COL6A1: variants seen among roughly 807,000 people sequenced by gnomAD.
COL6A1 encodes collagen alpha-1(VI) chain.
Under a neutral mutation model 145.6 loss-of-function variants are expected in COL6A1, and 80 were observed. That is an observed-to-expected ratio of 0.55 (90% CI 0.46 to 0.66). The LOEUF (loss-of-function observed/expected upper bound fraction) is 0.66, where lower values mean the gene tolerates loss of function less well. Among genes scored for constraint, COL6A1 ranks in the 30% least tolerant of loss-of-function variants. COL6A1 has a pLI of 0.00. For missense variants in COL6A1, 1,364 were observed against 1,473.8 expected, an observed-to-expected ratio of 0.93 and a Z score of 1.22; for synonymous variants, 638 against 622.8, an observed-to-expected ratio of 1.02 and a Z score of -0.36.
chr21:45,992,273 C>A, intron 17 of COL6A1, 56 bp downstream of exon 17: 2 of 1,613,486 alleles, frequency 1.2e-6, no homozygotes, highest in Non-Finnish European at 1.7e-6. Context: ...AGCTTCTGAT[C>A]CTCTTTGCTC....
At chr21:45,986,240 G>T (rs529016757) in intron 3 of COL6A1, among the ~76,000 whole-genome samples, 1 of 152,352 alleles carries the variant, frequency 6.6e-6, no homozygotes, top group African/African-American at 2.4e-5. Context: ...TCACTGGTCA[G>T]GGGCTTTGCG....
At chr21:46,000,635 G>C in intron 28 of COL6A1, 124 bp from the exon 29 acceptor site, 2 of 1,386,180 alleles carry the variant, frequency 1.4e-6, no homozygotes, top group East Asian at 2.3e-5. Context: ...GGCCGGGGAA[G>C]GGGGGAGGCC....
At position 45,981,904 on chromosome 21, in the gene COL6A1, C is replaced by T; in HGVS notation, c.54C>T (p.Ala18=). Reference sequence around the variant, plus strand: ...TGCTGCTGCAGGCCTGCTGGACAGCCGCGCAGGATGAGCCGGAGACCCCGA... The same window carrying T: ...TGCTGCTGCAGGCCTGCTGGACAGCTGCGCAGGATGAGCCGGAGACCCCGA... The part of the protein sequence containing the change: ...LPLLLQACWT[A]AQDEPETPRA... Residue 18 remains alanine, a synonymous_variant, in exon 1 of 35, where the codon GCC becomes GCT. Transcript: ENST00000361866. 3 of 1,606,768 alleles carry T rather than the reference C, an allele frequency of 1.9e-6. No homozygotes were observed. The highest frequency in any genetic ancestry group is 2.2e-5 in the East Asian group (1 of 44,538).
chr21:46,003,119 G>A lies in COL6A1; in HGVS notation c.2435-1G>A. ...CACTGCACGGCTTTTCTCTTTTACAGACAAGAAGTGTCCAGATTACACCTG... is the reference window on the plus strand; with the variant it reads ...CACTGCACGGCTTTTCTCTTTTACAAACAAGAAGTGTCCAGATTACACCTG... On this transcript the variant is annotated splice_acceptor_variant, in intron 33 of 34. Transcript: ENST00000361866. LOFTEE classifies it high-confidence loss of function. 1 of 1,614,112 alleles carries A rather than the reference G, an allele frequency of 6.2e-7. No homozygotes were observed. Among genetic ancestry groups the A allele is most frequent in the Non-Finnish European group, 8.5e-7 (1 of 1,179,976 alleles).
rs768737132 is a variant in COL6A1 at position 45,984,501 on chromosome 21, G to C, written c.428+32G>C. ...GGCCCCCAGCCTCCTGCCCACGCCA[G>C]TTCTCACGCGTGGTACCCAGCCTGG... is the stretch of plus-strand genomic sequence containing the variant. On this transcript the variant is annotated intron_variant, in intron 3 of 34. Transcript: ENST00000361866. 10 of 1,597,220 alleles carry C rather than the reference G, an allele frequency of 6.3e-6. No homozygotes were observed. The African/African-American group carries it at 8.0e-5, about 13-fold the overall frequency.
chr21:45,987,491 C>A lies in COL6A1; in HGVS notation c.739-8C>A, dbSNP rs1336036721. ...CCACTGACTCGTCTCCATGCTTTCCCCCCACAGTGCTGCTCCTTCGAATGC... is the reference window on the plus strand; with the variant it reads ...CCACTGACTCGTCTCCATGCTTTCCACCCACAGTGCTGCTCCTTCGAATGC... On this transcript the variant is annotated splice_region_variant and splice_polypyrimidine_tract_variant and intron_variant, in intron 6 of 34. Transcript: ENST00000361866. 6.2e-7 allele frequency: 1 copy of A among 1,613,120 alleles called. No homozygotes were observed. Among genetic ancestry groups the A allele is most frequent in the Non-Finnish European group, 8.5e-7 (1 of 1,180,006 alleles).
intron 20 of COL6A1, among the ~76,000 whole-genome samples, chr21:45,995,840 C>A (rs1190626255): frequency 2.6e-5 from 4 of 152,248 alleles, no homozygotes; most frequent in African/African-American, 9.6e-5. Context: ...CACCTGGAGC[C>A]TCCCTGGGGC....
chr21:46,002,008 C>T lies in COL6A1; in HGVS notation c.2004C>T (p.Ser668=). 1 of 1,612,716 alleles carries T rather than the reference C, an allele frequency of 6.2e-7. No homozygotes were observed. Among genetic ancestry groups the T allele is most frequent in the Non-Finnish European group, 8.5e-7 (1 of 1,179,878 alleles). The change falls in exon 31 of 35, where the codon AGC becomes AGT. Residue 668 remains serine, a synonymous_variant. Coordinates refer to ENST00000361866, the MANE Select transcript of COL6A1 (RefSeq NM_001848.3). ...SYAGVVQYSH[S]QMQEHVSLRS... is the part of the protein sequence containing the mutation. ...CGGGTGTGGTGCAGTACAGCCACAG[C>T]CAGATGCAGGAGCACGTGAGCCTGC...
At chr21:46,001,822 C>T (rs1402272805) in intron 30 of COL6A1, 139 bp from the exon 31 acceptor site, 23 of 727,120 alleles carry the variant, frequency 3.2e-5, no homozygotes, top group Non-Finnish European at 5.0e-5. Context: ...CACCCAGAGC[C>T]AATCGCAGGG....
intron 11 of COL6A1, among the ~76,000 whole-genome samples, 199 bp from the exon 12 acceptor site, chr21:45,990,037 TCCCCCGGGCGGTTACCCTCTGC>T (rs2077765409): frequency 2.9e-5 from 4 of 139,904 alleles, no homozygotes; most frequent in South Asian, 4.4e-4. Flanking sequence ...GAGCCGGGGG[TCCCCCGGGCGGTTACCCTCTGC>T]GGAGCCGGGG....
chr21:45,996,711 C>T (rs2123480774), intron 20 of COL6A1, among the ~76,000 whole-genome samples: 1 of 152,288 alleles, frequency 6.6e-6, no homozygotes. Context: ...CTGGGAAGTG[C>T]TTGGGGTGCC....
At position 46,004,317 on chromosome 21, in the gene COL6A1, GC is replaced by G. The variant is rs1434568734; in HGVS notation, c.*305del. On this transcript the variant is annotated 3_prime_UTR_variant, in exon 35 of 35. Coordinates refer to ENST00000361866, the MANE Select transcript of COL6A1 (RefSeq NM_001848.3). ...CGTCACCTGTGCAGGGCCCTCTGGG[GC>G]TCAGCCCTGAGCTGGCCTCACCTGG... 2.1e-6 allele frequency: 1 copy of G among 480,534 alleles called. No individual in the cohort carries two copies. The highest frequency in any genetic ancestry group is 2.0e-5 in the African/African-American group (1 of 51,182). 29.8% of individuals were successfully genotyped at this position (480,534 alleles called of 1,614,324 possible).
In COL6A1 at chr21:45,996,411, G is replaced by A. The variant is rs114469764; in HGVS notation, c.1399-1010G>A. Among the ~76,000 whole-genome samples the A allele has an allele frequency of 6.9e-3, 1,056 of 152,342 alleles. 11 individuals carry two copies. The highest frequency in any genetic ancestry group is 0.025 in the African/African-American group (1,021 of 41,582). ...GCCAGGCCTGGGTGCTTGCACAGTC[G>A]GGGTAGAGAGAGCAATACACTAGAT... On this transcript the variant is annotated intron_variant, in intron 20 of 34. Coordinates refer to ENST00000361866, the MANE Select transcript of COL6A1 (RefSeq NM_001848.3).
chr21:45,989,275 T>C (rs2077760234), intron 9 of COL6A1, 138 bp downstream of exon 9: 1 of 956,552 alleles, frequency 1.0e-6, no homozygotes, highest in African/African-American at 1.6e-5. Context: ...GGAGCAGACC[T>C]GGAGGGGCCA....
chr21:45,987,216 A>G, intron 6 of COL6A1, 41 bp downstream of exon 6: 1 of 1,585,104 alleles, frequency 6.3e-7, no homozygotes, highest in Non-Finnish European at 8.5e-7. Context: ...GAGTCTGCAC[A>G]CGTCCACCCA....
At position 45,992,730 on chromosome 21, in the gene COL6A1, C is replaced by G. The variant is rs1380673142; in HGVS notation, c.1273-18C>G. 2 of 1,577,926 alleles carry G rather than the reference C, an allele frequency of 1.3e-6. No individual in the cohort carries two copies. The highest frequency in any genetic ancestry group is 1.3e-5 in the African/African-American group (1 of 74,410). ...TTCCAGCAGCTGAGGCTTCTCCCCTCCATGTCTCTCCACTCAGGGTGGCCC... is the reference window on the plus strand; with the variant it reads ...TTCCAGCAGCTGAGGCTTCTCCCCTGCATGTCTCTCCACTCAGGGTGGCCC... On this transcript the variant is annotated intron_variant, in intron 18 of 34. Coordinates refer to ENST00000361866, the MANE Select transcript of COL6A1 (RefSeq NM_001848.3).
chr21:45,987,403 C>T lies in COL6A1; in HGVS notation c.739-96C>T, dbSNP rs2077745690. Reference sequence around the variant, plus strand: ...TCCGCCTGTGCGTCCATCCGTGTGTCCGTCTGCCCATGTGCCTGGGTCGCA... The same window carrying T: ...TCCGCCTGTGCGTCCATCCGTGTGTTCGTCTGCCCATGTGCCTGGGTCGCA... On this transcript the variant is annotated intron_variant, in intron 6 of 34. Coordinates refer to ENST00000361866, the MANE Select transcript of COL6A1 (RefSeq NM_001848.3). The T allele has an allele frequency of 3.8e-6, 6 of 1,565,446 alleles. 1 individual carries two copies. In the South Asian group the frequency reaches 4.4e-5, roughly 12 times the overall value.
chr21:45,983,658 T>TC (rs2077721088), intron 2 of COL6A1, among the ~76,000 whole-genome samples: 1 of 142,122 alleles, frequency 7.0e-6, no homozygotes, highest in African/African-American at 2.6e-5. Context: ...CGGCAGTGTT[T>TC]GGGGGGGGGT....
At chr21:45,989,060 A>G (rs779894745) in intron 8 of COL6A1, 24 bp from the exon 9 acceptor site, 4 of 1,610,668 alleles carry the variant, frequency 2.5e-6, no homozygotes, top group East Asian at 2.2e-5. Flanking sequence ...GGCTGCCCCA[A>G]CCTTGACCTG....
Sources: allele counts gnomAD v4.1 joint callset (sites outside exome capture counted in the v4.1 genomes callset), GRCh38; gene constraint gnomAD v4.1.1; transcripts MANE v1.5; gene names NCBI Gene and HGNC (gene_info 2026-07-23, HGNC 2026-07-21).